Variants in PAK3 observed in about 807,000 individuals in gnomAD.
PAK3 encodes the protein serine/threonine-protein kinase PAK 3.
PAK3 carries 4 observed loss-of-function variants against 41.0 expected under a neutral mutation model. That is an observed-to-expected ratio of 0.10 (90% CI 0.05 to 0.22). The LOEUF (loss-of-function observed/expected upper bound fraction) is 0.22. PAK3 is among the 10% of genes least tolerant of loss of function. The probability of loss-of-function intolerance (pLI) is 1.00; values close to 1 mark genes in which losing one functional copy is unlikely to be tolerated. For missense variants in PAK3, 205 were observed against 409.9 expected (o/e 0.50, Z 4.32); for synonymous variants, 146 against 139.6 (o/e 1.05, Z -0.32).
chrX:111,037,809 T>C (rs749356897), intron 1 of PAK3, among the ~76,000 whole-genome samples: 2 of 111,765 alleles, frequency 1.8e-5, no homozygotes, highest in East Asian at 5.6e-4. Context: ...AAAACCTGAT[T>C]ATATCAGGAA....
intron 4 of PAK3, among the ~76,000 whole-genome samples, chrX:111,118,900 T>C (rs1478807599): frequency 9.0e-6 from 1 of 111,578 alleles, no homozygotes; most frequent in Non-Finnish European, 1.9e-5. Context: ...TCAGATATCA[T>C]ACCATCAGAG....
Position 110,955,956 on chromosome X carries a change from C to T in PAK3, c.-28+11328C>T, listed in dbSNP as rs369627546. Among the ~76,000 whole-genome samples, 212 of 111,854 alleles carry T rather than the reference C, an allele frequency of 1.9e-3. 1 individual carries two copies. Among genetic ancestry groups the T allele is most frequent in the African/African-American group, 6.7e-3 (206 of 30,759 alleles). ...AAGATCACTTGCTTAAGTTTAAGTC[C>T]CTGCTCTGCCTTCTGCTAGCTGTGT... On this transcript the variant is annotated intron_variant, in intron 1 of 14. Transcript: ENST00000425146.
At chrX:111,192,004 T>C in intron 11 of PAK3, 123 bp from the exon 12 acceptor site, 1 of 477,413 alleles carries the variant, frequency 2.1e-6, no homozygotes, top group Admixed American at 2.9e-5. Flanking sequence ...TTGTTCCTTT[T>C]CTTACCTCAT....
chrX:110,970,958 G>C (rs2091195256), intron 1 of PAK3, among the ~76,000 whole-genome samples: 1 of 111,336 alleles, frequency 9.0e-6, no homozygotes, highest in South Asian at 3.8e-4. Context: ...TTGTCTTATT[G>C]CACTGGGTAG....
At chrX:111,000,926 GA>G (rs1054411063) in intron 1 of PAK3, among the ~76,000 whole-genome samples, 1 of 111,528 alleles carries the variant, frequency 9.0e-6, no homozygotes, top group Non-Finnish European at 1.9e-5. Flanking sequence ...GACAAAGTAG[GA>G]AAGGGAAATG....
chrX:110,964,070 G>A (rs780553478), intron 1 of PAK3, among the ~76,000 whole-genome samples: 2 of 111,630 alleles, frequency 1.8e-5, no homozygotes, highest in South Asian at 3.9e-4. Context: ...ATGCCAAACA[G>A]CATGCTAGTC....
intron 4 of PAK3, among the ~76,000 whole-genome samples, chrX:111,106,568 G>T (rs1295850663): frequency 9.1e-6 from 1 of 110,277 alleles, no homozygotes; most frequent in East Asian, 2.9e-4. Context: ...TATTCACATT[G>T]ATTCACACAT....
intron 1 of PAK3, among the ~76,000 whole-genome samples, chrX:111,065,428 T>C (rs1394530707): frequency 2.7e-5 from 3 of 111,574 alleles, no homozygotes; most frequent in Non-Finnish European, 1.9e-5. Flanking sequence ...GTGAATTATC[T>C]TTTTGATGTG....
At chrX:111,101,525 T>C (rs2093137523) in intron 3 of PAK3, among the ~76,000 whole-genome samples, 1 of 111,876 alleles carries the variant, frequency 8.9e-6, no homozygotes, top group Non-Finnish European at 1.9e-5. Context: ...GTTGGGGGTG[T>C]GTTCTCCTTC....
chrX:111,180,827 TTTG>T (rs1201998434), intron 11 of PAK3, among the ~76,000 whole-genome samples: 12 of 112,253 alleles, frequency 1.1e-4, no homozygotes, highest in African/African-American at 3.9e-4. Flanking sequence ...AGACATTTAA[TTTG>T]TTTTTGATGT....
intron 1 of PAK3, among the ~76,000 whole-genome samples, chrX:111,057,610 T>A (rs7051984): frequency 0.047 from 5,221 of 111,931 alleles, 293 homozygotes; most frequent in African/African-American, 0.16. Context: ...GTGTCATCAA[T>A]TGTCTTTTTT....
chrX:111,014,421 T>C (rs937144981), intron 1 of PAK3, among the ~76,000 whole-genome samples: 9 of 111,637 alleles, frequency 8.1e-5, no homozygotes, highest in Non-Finnish European at 1.5e-4. Flanking sequence ...CACACTGTAG[T>C]TGAAGTGAGA....
At chrX:111,004,243 A>G (rs993981915) in intron 1 of PAK3, among the ~76,000 whole-genome samples, 2 of 111,641 alleles carry the variant, frequency 1.8e-5, no homozygotes, top group Middle Eastern at 4.2e-3. Flanking sequence ...AAGGCAGGGG[A>G]TATGCGTAGT....
intron 1 of PAK3, among the ~76,000 whole-genome samples, chrX:110,952,105 C>T (rs958670126): frequency 3.6e-5 from 4 of 112,299 alleles, no homozygotes; most frequent in Non-Finnish European, 7.5e-5. Flanking sequence ...TAGTGCCAAA[C>T]AAGTACAGGT....
chrX:110,944,951 G>C (rs908810800), intron 1 of PAK3, among the ~76,000 whole-genome samples: 2 of 112,020 alleles, frequency 1.8e-5, no homozygotes, highest in Non-Finnish European at 3.8e-5. Flanking sequence ...GCTCAGGGAT[G>C]GGGGCGGGGA....
At chrX:111,169,661 C>T (rs917637720) in intron 10 of PAK3, among the ~76,000 whole-genome samples, 2 of 111,050 alleles carry the variant, frequency 1.8e-5, no homozygotes, top group African/African-American at 6.5e-5. Flanking sequence ...ACATTTCAGG[C>T]AGCGAATGGC....
At chrX:111,119,163 A>G (rs193142874) in intron 4 of PAK3, among the ~76,000 whole-genome samples, 1 of 111,940 alleles carries the variant, frequency 8.9e-6, no homozygotes, top group East Asian at 2.8e-4. Context: ...CTCTTTGCCT[A>G]TCATGAAACA....
chrX:110,976,246 C>T (rs932025528), intron 1 of PAK3, among the ~76,000 whole-genome samples: 4 of 112,215 alleles, frequency 3.6e-5, no homozygotes, highest in Non-Finnish European at 7.5e-5. Context: ...CTGCAAAGAA[C>T]TCAAACAAAT....
intron 1 of PAK3, among the ~76,000 whole-genome samples, chrX:111,056,902 C>T (rs1339943626): frequency 9.0e-6 from 1 of 111,069 alleles, no homozygotes; most frequent in Admixed American, 9.6e-5. Flanking sequence ...TAGTGAATGT[C>T]CCCCCTTTTT....
Sources: gnomAD v4.1 joint callset for allele counts (sites outside exome capture counted in the v4.1 genomes callset) on GRCh38, gnomAD v4.1.1 for gene constraint, MANE v1.5 for transcripts, NCBI Gene and HGNC (gene_info 2026-07-23, HGNC 2026-07-21) for gene names.